The following FSHR variants were observed in gnomAD, a reference collection of about 807,000 sequenced individuals.
FSHR encodes follicle stimulating hormone receptor, also known as follicle-stimulating hormone receptor.
FSHR carries 46 observed loss-of-function variants against 52.1 expected under a neutral mutation model. That is an observed-to-expected ratio of 0.88 (90% CI 0.70 to 1.13). The LOEUF (loss-of-function observed/expected upper bound fraction) is 1.13, where lower values mean the gene tolerates loss of function less well. FSHR is among the 50% of genes most tolerant of loss of function. FSHR has a pLI of 0.00. For missense variants in FSHR, 964 were observed against 834.6 expected (o/e 1.16, Z -1.91); for synonymous variants, 399 against 309.6 (o/e 1.29, Z -3.03).
At chr2:49,022,234 G>A (rs1572646110) in intron 2 of FSHR, among the ~76,000 whole-genome samples, 1 of 152,142 alleles carries the variant, frequency 6.6e-6, no homozygotes, top group East Asian at 2.0e-4. Flanking sequence ...TTCACATATT[G>A]AGAATTCCCT....
At chr2:48,994,605 T>G (rs766994165) in intron 4 of FSHR, among the ~76,000 whole-genome samples, 4 of 126,242 alleles carry the variant, frequency 3.2e-5, no homozygotes, top group African/African-American at 5.4e-5. Context: ...TCAATTCATT[T>G]TTCCCCTCTG....
chr2:49,124,672 C>G (rs1419547219), intron 1 of FSHR, among the ~76,000 whole-genome samples: 2 of 152,156 alleles, frequency 1.3e-5, no homozygotes, highest in African/African-American at 2.4e-5. Context: ...TGCCCAGAAT[C>G]CGACCCCTTC....
intron 1 of FSHR, among the ~76,000 whole-genome samples, chr2:49,071,683 CAT>C (rs76496060): frequency 0.041 from 6,283 of 152,184 alleles, 378 homozygotes; most frequent in East Asian, 0.22. Context: ...TTATTTCACT[CAT>C]AGTTCTGCAG....
At chr2:49,012,142 A>G (rs1667299639) in intron 4 of FSHR, among the ~76,000 whole-genome samples, 5 of 152,142 alleles carry the variant, frequency 3.3e-5, no homozygotes, top group African/African-American at 1.2e-4. Flanking sequence ...AAGGTTTGCT[A>G]AAATGGAATT....
At chr2:49,021,859 C>CTA (rs1215761261) in intron 2 of FSHR, among the ~76,000 whole-genome samples, 121 of 38,188 alleles carry the variant, frequency 3.2e-3, no homozygotes, top group East Asian at 6.0e-3. Flanking sequence ...CTCTCTCTCT[C>CTA]TCTCTATATA....
chr2:49,008,281 G>A (rs1559129114), intron 4 of FSHR, among the ~76,000 whole-genome samples: 1 of 133,858 alleles, frequency 7.5e-6, no homozygotes, highest in African/African-American at 2.8e-5. Flanking sequence ...GCGGTGTTTG[G>A]TTTTTTGTTC....
intron 4 of FSHR, among the ~76,000 whole-genome samples, chr2:49,015,483 T>C (rs1306495610): frequency 6.6e-6 from 1 of 152,190 alleles, no homozygotes. Context: ...ATCTAAATCT[T>C]GTTTGAGGTT....
intron 1 of FSHR, among the ~76,000 whole-genome samples, chr2:49,127,547 C>G (rs892180808): frequency 6.6e-6 from 1 of 150,814 alleles, no homozygotes; most frequent in East Asian, 2.0e-4. Flanking sequence ...CACACACACA[C>G]CCCATGTACA....
intron 1 of FSHR, among the ~76,000 whole-genome samples, chr2:49,093,595 C>CCTTTTTTTTTTTTTTTTTTTTTTTTT (rs1553344384): frequency 7.5e-6 from 1 of 132,944 alleles, no homozygotes; most frequent in African/African-American, 2.8e-5. Context: ...TTATATTTAT[C>CCTTTTTTTTTTTTTTTTTTTTTTTTT]TTTTTTTTTT....
chr2:49,043,520 A>G (rs1403818122), intron 2 of FSHR, among the ~76,000 whole-genome samples: 3 of 152,158 alleles, frequency 2.0e-5, no homozygotes, highest in Non-Finnish European at 4.4e-5. Context: ...TCACTTGACA[A>G]TGGCTCTCCT....
At chr2:49,093,331 C>T (rs910848938) in intron 1 of FSHR, among the ~76,000 whole-genome samples, 6 of 152,144 alleles carry the variant, frequency 3.9e-5, no homozygotes, top group Admixed American at 2.6e-4. Flanking sequence ...GTCTATTCCT[C>T]ATTTCAGTTG....
chr2:49,135,925 G>C (rs1469272275), intron 1 of FSHR, among the ~76,000 whole-genome samples: 3 of 152,022 alleles, frequency 2.0e-5, no homozygotes, highest in Non-Finnish European at 2.9e-5. Context: ...GTAGGCTGAG[G>C]GGAGGAGGAA....
intron 9 of FSHR, among the ~76,000 whole-genome samples, chr2:48,967,624 C>A (rs1370650210): frequency 6.6e-6 from 1 of 152,184 alleles, no homozygotes; most frequent in Non-Finnish European, 1.5e-5. Context: ...CCCAATGATG[C>A]ATGCAGATTC....
chr2:49,154,104 G>T (rs1429628081), intron 1 of FSHR, among the ~76,000 whole-genome samples, 162 bp downstream of exon 1: 1 of 152,188 alleles, frequency 6.6e-6, no homozygotes, highest in Non-Finnish European at 1.5e-5. Flanking sequence ...GAAAGCCACA[G>T]GCAGGAGGGT....
chr2:49,015,159 C>A (rs558540387), intron 4 of FSHR, among the ~76,000 whole-genome samples: 1 of 152,114 alleles, frequency 6.6e-6, no homozygotes, highest in Non-Finnish European at 1.5e-5. Context: ...AAGTAATTAA[C>A]CAGCTAGCTA....
chr2:49,011,981 A>G (rs924310255), intron 4 of FSHR, among the ~76,000 whole-genome samples: 1 of 152,168 alleles, frequency 6.6e-6, no homozygotes. Context: ...GGGGAGTCCC[A>G]GTGAAGAATC....
At chr2:49,116,702 AT>A (rs1299381507) in intron 1 of FSHR, among the ~76,000 whole-genome samples, 2 of 152,190 alleles carry the variant, frequency 1.3e-5, no homozygotes, top group Non-Finnish European at 2.9e-5. Context: ...TATTCTTTAA[AT>A]TTTTTCAGAT....
At chr2:49,008,018 ATTT>A (rs907761450) in intron 4 of FSHR, among the ~76,000 whole-genome samples, 1 of 151,538 alleles carries the variant, frequency 6.6e-6, no homozygotes, top group Non-Finnish European at 1.5e-5. Context: ...TTTTTTTTAA[ATTT>A]TTTTTATTTT....
At chr2:49,133,157 C>A (rs1337449229) in intron 1 of FSHR, among the ~76,000 whole-genome samples, 1 of 152,116 alleles carries the variant, frequency 6.6e-6, no homozygotes, top group Non-Finnish European at 1.5e-5. Flanking sequence ...AGGACTTCAG[C>A]ATTTCTCATC....
Sources: gnomAD v4.1 joint callset for allele counts (sites outside exome capture counted in the v4.1 genomes callset) on GRCh38, gnomAD v4.1.1 for gene constraint, MANE v1.5 for transcripts, NCBI Gene and HGNC (gene_info 2026-07-23, HGNC 2026-07-21) for gene names.